The following MYO15A variants were observed in gnomAD, a reference collection of about 807,000 sequenced individuals.
The protein encoded by MYO15A is myosin XVA, also known as unconventional myosin-XV.
In MYO15A, 308 loss-of-function variants were observed where a neutral mutation model predicts 394.6. The ratio of observed to expected loss-of-function variants is 0.78; its 90% confidence interval spans 0.71 to 0.86. The LOEUF (loss-of-function observed/expected upper bound fraction) is 0.86, where lower values mean the gene tolerates loss of function less well. Ranked by LOEUF, MYO15A falls within the 40% of genes least tolerant of loss-of-function variation. The pLI is 0.00. For synonymous variants in MYO15A, 1,957 were observed against 2,003.8 expected (o/e 0.98, Z 0.62); for missense variants, 4,606 against 4,799.1 (o/e 0.96, Z 1.19).
chr17:18,173,726 G>C, intron 64 of MYO15A, 55 bp from the exon 65 acceptor site: 1 of 1,612,068 alleles, frequency 6.2e-7, no homozygotes. Flanking sequence ...GGGTAAGAGT[G>C]GTTGAGACTA....
chr17:18,120,952 T>G lies in MYO15A; in HGVS notation c.2152T>G (p.Trp718Gly), dbSNP rs2955367. 0.35 allele frequency: 513,471 copies of G among 1,479,028 alleles called. 97,834 individuals are homozygous for G. The highest frequency in any genetic ancestry group is 0.7 in the South Asian group (54,925 of 78,702). 91.6% of individuals were successfully genotyped at this position (1,479,028 alleles called of 1,614,324 possible). A position where few individuals can be genotyped will look rare whatever the true frequency, so the allele number is the denominator to read the frequency against. ...AHVPPAPQAS[W>G]WAFVEPPAVS... ...CGTGCCACCGGCGCCGCAGGCCAGC[T>G]GGTGGGCCTTCGTGGAGCCCCCTGC... is the stretch of plus-strand genomic sequence containing the variant. Residue 718 changes from tryptophan (W) to glycine (G), a missense_variant, in exon 2 of 66, where the codon TGG (tryptophan) becomes GGG (glycine). Transcript: ENST00000647165.
chr17:18,128,535 C>T (rs543626493), intron 7 of MYO15A, among the ~76,000 whole-genome samples: 12 of 152,320 alleles, frequency 7.9e-5, no homozygotes, highest in African/African-American at 2.6e-4. Flanking sequence ...GGTCTCCCAT[C>T]CCAGCCCAGG....
intron 7 of MYO15A, among the ~76,000 whole-genome samples, chr17:18,130,300 A>G: frequency 6.6e-6 from 1 of 152,054 alleles, no homozygotes; most frequent in African/African-American, 2.4e-5. Flanking sequence ...GTAGGATTTG[A>G]CATTCTAGTG....
intron 7 of MYO15A, among the ~76,000 whole-genome samples, chr17:18,127,468 C>A (rs2046070125): frequency 6.6e-6 from 1 of 152,180 alleles, no homozygotes; most frequent in Admixed American, 6.5e-5. Context: ...CATCCCATCT[C>A]TCCCACCTGG....
rs746617241 is a variant in MYO15A at position 18,159,832 on chromosome 17, G to GA, written c.9304-102dup. The GA allele has an allele frequency of 1.8e-5, 27 of 1,466,044 alleles. No individual in the cohort carries two copies. In the Admixed American group the frequency reaches 2.5e-4, roughly 13 times the overall value. 90.8% of individuals were successfully genotyped at this position (1,466,044 alleles called of 1,614,324 possible). On this transcript the variant is annotated intron_variant, in intron 55 of 65. Transcript: ENST00000647165. ...CTGGTGGGGAGGGGGCTGGGAAAGG[G>GA]ACACCAGGCCTGTCTTCAGGTGCCC...
rs944487015 is a variant in MYO15A, at chr17:18,157,832, C to T, written c.8899C>T (p.Arg2967Ter). 3.8e-6 allele frequency: 6 copies of T among 1,591,104 alleles called. No individual in the cohort carries two copies. The highest frequency in any genetic ancestry group is 5.1e-6 in the Non-Finnish European group (6 of 1,174,810). ...LQLPTEPGRG[R>*]AAAVAAAVAS... ...GCTGCCAACGGAGCCAGGCCGCGGC[C>T]GAGCAGCCGCCGTGGCCGCTGCTGT... The change falls in exon 51 of 66, where the codon CGA (arginine) becomes TGA (stop). Residue 2967 changes from arginine (R) to a stop codon, truncating the protein, a stop_gained. Transcript: ENST00000647165. LOFTEE classifies it high-confidence loss of function.
intron 65 of MYO15A, 89 bp from the exon 66 acceptor site, chr17:18,178,680 C>A: frequency 7.7e-7 from 1 of 1,304,772 alleles, no homozygotes; most frequent in Non-Finnish European, 1.1e-6. Flanking sequence ...CCACCTATCT[C>A]CCAACCACCT....
chr17:18,130,662 G>T, intron 7 of MYO15A, 143 bp from the exon 8 acceptor site: 2 of 1,405,352 alleles, frequency 1.4e-6, no homozygotes, highest in Non-Finnish European at 9.9e-7. Context: ...GGACCCCTGG[G>T]GTCTCTGAGC....
chr17:18,119,162 G>A lies in MYO15A; in HGVS notation c.362G>A (p.Arg121Gln), dbSNP rs779209905. 4 of 1,611,990 alleles carry A rather than the reference G, an allele frequency of 2.5e-6. No homozygotes were observed. The highest frequency in any genetic ancestry group is 2.2e-5 in the South Asian group (2 of 91,058). The change falls in exon 2 of 66, where the codon CGG becomes CAG. Residue 121 changes from arginine to glutamine, a missense_variant. Arg to Gln is a conservative substitution (Grantham distance 43). Around this residue, in one of 2 missense-constraint regions of MYO15A, gnomAD observed 1,830 missense variants for 1,689.7 expected, o/e 1.08. Coordinates refer to ENST00000647165, the MANE Select transcript of MYO15A (RefSeq NM_016239.4). ...FPGRRGYGRLRPRARSLSKAS... is the reference protein window; with the variant it reads ...FPGRRGYGRLQPRARSLSKAS... ...GGCCGCCGTGGCTACGGCCGCCTGCGGCCGCGCGCCCGGTCACTCAGCAAA... is the reference window on the plus strand; with the variant it reads ...GGCCGCCGTGGCTACGGCCGCCTGCAGCCGCGCGCCCGGTCACTCAGCAAA...
Position 18,151,501 on chromosome 17 carries a change from C to T in MYO15A, c.7761C>T (p.Phe2587=), listed in dbSNP as rs1415090334. Reference sequence around the variant, plus strand: ...TTGTCAGGCAGTACCAGCAGCCGTTCCGGGGAGGCCGGCCTGAGGCCCTCA... The same window carrying T: ...TTGTCAGGCAGTACCAGCAGCCGTTTCGGGGAGGCCGGCCTGAGGCCCTCA... The part of the protein sequence containing the change: ...KNIVRQYQQP[F]RGGRPEALRK... The change falls in exon 40 of 66, where the codon TTC becomes TTT. Residue 2587 remains phenylalanine (F), a synonymous_variant. Coordinates refer to ENST00000647165, the MANE Select transcript of MYO15A (RefSeq NM_016239.4). The T allele has an allele frequency of 1.2e-6, 2 of 1,614,228 alleles. No individual in the cohort carries two copies. The highest frequency in any genetic ancestry group is 4.5e-5 in the East Asian group (2 of 44,878).
At chr17:18,173,470 G>C (rs2046969957) in intron 64 of MYO15A, 4 of 399,826 alleles carry the variant, frequency 1.0e-5, no homozygotes, top group South Asian at 9.2e-5. Flanking sequence ...TTCACAAGAA[G>C]CAACTTTGAT....
chr17:18,142,129 T>G lies in MYO15A; in HGVS notation c.5700T>G (p.His1900Gln), dbSNP rs752045512. ...LYQLLESMRE[H>Q]VLNLAALTLQ... is the part of the protein sequence containing the mutation. ...AGCTGCTGGAGAGTATGCGAGAGCATGTCCTGAATCTGGCAGCCCTCACTC... is the reference window on the plus strand; with the variant it reads ...AGCTGCTGGAGAGTATGCGAGAGCAGGTCCTGAATCTGGCAGCCCTCACTC... Residue 1900 changes from histidine (H) to glutamine (Q), a missense_variant, in exon 24 of 66, where the codon CAT (histidine) becomes CAG (glutamine). Physicochemically the swap from His to Gln is conservative, Grantham distance 24. Coordinates refer to ENST00000647165, the MANE Select transcript of MYO15A (RefSeq NM_016239.4). 6.2e-7 allele frequency: 1 copy of G among 1,613,894 alleles called. No individual in the cohort carries two copies. Among genetic ancestry groups the G allele is most frequent in the East Asian group, 2.2e-5 (1 of 44,888 alleles).
intron 24 of MYO15A, 37 bp downstream of exon 24, chr17:18,142,291 A>C (rs776286466): frequency 1.1e-5 from 18 of 1,600,290 alleles, no homozygotes; most frequent in Non-Finnish European, 1.4e-5. Flanking sequence ...TAGGAGACCT[A>C]TGGTCAGGCT....
chr17:18,142,052 G>T, intron 23 of MYO15A, 27 bp from the exon 24 acceptor site: 1 of 1,610,454 alleles, frequency 6.2e-7, no homozygotes, highest in Non-Finnish European at 8.5e-7. Context: ...GCTCCTATCT[G>T]CCTCAGTGCC....
At chr17:18,173,614 G>A (rs1334264552) in intron 64 of MYO15A, 167 bp from the exon 65 acceptor site, 23 of 829,728 alleles carry the variant, frequency 2.8e-5, no homozygotes, top group Non-Finnish European at 4.3e-5. Context: ...CTGAGGTCCA[G>A]AGAGGTAAAG....
At chr17:18,134,821 G>A (rs1369072810) in intron 12 of MYO15A, among the ~76,000 whole-genome samples, 1 of 152,156 alleles carries the variant, frequency 6.6e-6, no homozygotes, top group Non-Finnish European at 1.5e-5. Context: ...ATTGTGCTTT[G>A]TTAATCTATT....
chr17:18,133,387 G>A lies in MYO15A; in HGVS notation c.4482+1G>A, dbSNP rs1184834737. 1.2e-6 allele frequency: 2 copies of A among 1,613,864 alleles called. No individual in the cohort carries two copies. The highest frequency in any genetic ancestry group is 1.7e-6 in the Non-Finnish European group (2 of 1,179,892). ...CAACGTCTACTTTGAGAAGTATGAG[G>A]TGAGGGGACGCCACAGCCTGCCATG... is the stretch of plus-strand genomic sequence containing the variant. On this transcript the variant is annotated splice_donor_variant, in intron 12 of 65. Coordinates refer to ENST00000647165, the MANE Select transcript of MYO15A (RefSeq NM_016239.4). LOFTEE classifies it high-confidence loss of function.
intron 1 of MYO15A, among the ~76,000 whole-genome samples, chr17:18,115,626 A>G (rs979047254): frequency 6.6e-6 from 1 of 152,094 alleles, no homozygotes; most frequent in Non-Finnish European, 1.5e-5. Context: ...TCAAAAAAAA[A>G]AGACTGAGGT....
rs200930743 is a variant in MYO15A at position 18,153,792 on chromosome 17, C to G, written c.7984C>G (p.Leu2662Val). 6.5e-4 allele frequency: 1,055 copies of G among 1,613,588 alleles called. 2 individuals carry two copies. The highest frequency in any genetic ancestry group is 8.2e-4 in the Non-Finnish European group (967 of 1,180,000). The change falls in exon 43 of 66, where the codon CTG (leucine) becomes GTG (valine). Residue 2662 changes from leucine to valine, a missense_variant. By Grantham distance (32) the Leu-to-Val change is conservative. Transcript: ENST00000647165. This position sits in a 1 kb window ranked among gnomAD's most constrained non-coding sequence, Gnocchi z 4.1. ...CTCTCCAGCTCTGCCCTCGCGATCG[C>G]TGGAGCCCCCTGAGGAACTCACGCA... ...APTSALPSRSLEPPEELTQTR... is the reference protein window; with the variant it reads ...APTSALPSRSVEPPEELTQTR...
Sources: allele counts gnomAD v4.1 joint callset (sites outside exome capture counted in the v4.1 genomes callset), GRCh38; gene constraint gnomAD v4.1.1; regional missense constraint gnomAD v4.1.1; non-coding constraint Gnocchi (gnomAD v3.1); transcripts MANE v1.5; gene names NCBI Gene and HGNC (gene_info 2026-07-23, HGNC 2026-07-21).